GPR137: variants seen among roughly 807,000 people sequenced by gnomAD.
GPR137 encodes the protein G protein-coupled receptor 137.
Under a neutral mutation model 38.9 loss-of-function variants are expected in GPR137, and 20 were observed. The observed-to-expected ratio is 0.51, with a 90% CI of 0.36 to 0.75. The LOEUF is 0.75. GPR137 is among the 30% of genes least tolerant of loss of function. The probability of loss-of-function intolerance (pLI) is 0.00; values close to 1 mark genes in which losing one functional copy is unlikely to be tolerated. For missense variants in GPR137, 456 were observed against 526.4 expected (o/e 0.87, Z 1.31); for synonymous variants, 226 against 235.8 (o/e 0.96, Z 0.38).
At chr11:64,275,609 A>G (rs1276467752), upstream of GPR137, 2 of 152,208 alleles carry the variant, frequency 1.3e-5, no homozygotes, top group African/African-American at 4.8e-5. Flanking sequence ...AAACAGAGGC[A>G]GAGGTTAAGA....
upstream of GPR137, among the ~76,000 whole-genome samples, chr11:64,282,015 G>A (rs867566254): frequency 1.3e-5 from 2 of 152,064 alleles, no homozygotes; most frequent in African/African-American, 4.8e-5. Context: ...CACCGCGCCC[G>A]GCCTCTCTTA....
upstream of GPR137, among the ~76,000 whole-genome samples, chr11:64,280,478 A>G (rs1221293168): frequency 1.5e-5 from 2 of 135,306 alleles, no homozygotes; most frequent in African/African-American, 5.6e-5. Flanking sequence ...CAGCCTCCCG[A>G]GTAGCTGGGA....
chr11:64,282,967 TCACTTAA>T (rs1176869775), upstream of GPR137, among the ~76,000 whole-genome samples: 1,237 of 151,414 alleles, frequency 8.2e-3, 19 homozygotes, highest in African/African-American at 0.029. Flanking sequence ...CGTGGGAGGA[TCACTTAA>T]GCCCAGAAGT....
chr11:64,280,489 C>CTA (rs1477245928), upstream of GPR137, among the ~76,000 whole-genome samples: 4 of 139,990 alleles, frequency 2.9e-5, no homozygotes, highest in African/African-American at 1.1e-4. Context: ...GTAGCTGGGA[C>CTA]TATAGGCACC....
rs1444149965 is a variant in GPR137, at chr11:64,288,173, C to G, written c.742C>G (p.Leu248Val). The G allele has an allele frequency of 3.7e-6, 6 of 1,613,168 alleles. No homozygotes were observed. The highest frequency in any genetic ancestry group is 5.1e-6 in the Non-Finnish European group (6 of 1,179,972). Residue 248 changes from leucine to valine, a missense_variant, in exon 4 of 7, where the codon CTG (leucine) becomes GTG (valine). Leu to Val is a conservative substitution (Grantham distance 32). Transcript: ENST00000438980. The surrounding 1 kb of genome is among the most constrained non-coding windows in gnomAD (Gnocchi z 5.5). ...TALALAPQSR[L>V]DTFDYDWYNV... ...ACTGGCCTTGGCCCCCCAGAGCCGGCTGGACACCTTCGATTACGACTGGTA... is the reference window on the plus strand; with the variant it reads ...ACTGGCCTTGGCCCCCCAGAGCCGGGTGGACACCTTCGATTACGACTGGTA...
exon 1 of GPR137, chr11:64,270,565 G>A: frequency 1.4e-6 from 1 of 717,498 alleles, no homozygotes; most frequent in South Asian, 1.5e-5. Flanking sequence ...GACGGGAAGA[G>A]AGGATGCCTA....
chr11:64,282,009 G>A (rs750424525), upstream of GPR137, among the ~76,000 whole-genome samples: 22 of 152,250 alleles, frequency 1.4e-4, no homozygotes, highest in South Asian at 4.1e-4. Context: ...GTGAGCCACC[G>A]CGCCCGGCCT....
At chr11:64,276,890 C>G (rs1345524959) in intron 2 of GPR137, 1 of 754,380 alleles carries the variant, frequency 1.3e-6, no homozygotes, top group Non-Finnish European at 2.5e-6. Context: ...GTGCCCCAGG[C>G]CCCAGCATGG....
chr11:64,276,685 G>C (rs1233660069), intron 2 of GPR137: 1 of 536,268 alleles, frequency 1.9e-6, no homozygotes, highest in Non-Finnish European at 3.3e-6. Context: ...GGGAGTGTCT[G>C]TGAATTCCCT....
chr11:64,271,627 C>T, upstream of GPR137: 2 of 1,499,402 alleles, frequency 1.3e-6, no homozygotes, highest in South Asian at 2.5e-5. Context: ...AAGGAGTCCA[C>T]AAACTCGTCA....
At chr11:64,284,621 C>G (rs1012971065), upstream of GPR137, 1 of 1,513,342 alleles carries the variant, frequency 6.6e-7, no homozygotes, top group Non-Finnish European at 8.8e-7. Flanking sequence ...TGACGGCGCA[C>G]AGGTCTCACC....
upstream of GPR137, chr11:64,271,533 G>T: frequency 6.0e-6 from 8 of 1,326,750 alleles, no homozygotes; most frequent in Non-Finnish European, 6.8e-6. Flanking sequence ...ATCCGGGCGT[G>T]CCTTGGGACA....
chr11:64,282,881 G>GAAAAAAA (rs541902877), upstream of GPR137, among the ~76,000 whole-genome samples: 10 of 88,022 alleles, frequency 1.1e-4, no homozygotes, highest in Non-Finnish European at 1.4e-4. Context: ...TCCGTCTCAG[G>GAAAAAAA]AAAAAAAAAA....
upstream of GPR137, chr11:64,284,919 T>G: frequency 7.1e-7 from 1 of 1,416,350 alleles, no homozygotes; most frequent in East Asian, 2.6e-5. Flanking sequence ...AGAGGGATTC[T>G]CTGGGGTCCC....
chr11:64,283,919 G>C (rs950957639), upstream of GPR137, among the ~76,000 whole-genome samples: 18 of 152,216 alleles, frequency 1.2e-4, no homozygotes, highest in African/African-American at 4.3e-4. Context: ...ACAGGTGTGA[G>C]CCACCACGCC....
At chr11:64,280,747 G>A (rs868058439), upstream of GPR137, among the ~76,000 whole-genome samples, 269 of 146,420 alleles carry the variant, frequency 1.8e-3, 1 homozygote, top group African/African-American at 6.5e-3. Context: ...AGCTCACTGC[G>A]ACCTCCACCT....
intron 2 of GPR137, 102 bp downstream of exon 2, chr11:64,287,116 C>T: frequency 2.0e-6 from 3 of 1,515,978 alleles, no homozygotes; most frequent in Non-Finnish European, 2.7e-6. Flanking sequence ...CAAAGGCAAC[C>T]CAGGGAATGT....
chr11:64,288,166 G>A lies in GPR137; in HGVS notation c.735G>A (p.Gln245=), dbSNP rs1402185242. ...TGACAGCACTGGCCTTGGCCCCCCA[G>A]AGCCGGCTGGACACCTTCGATTACG... is the stretch of plus-strand genomic sequence containing the variant. ...YNLTALALAP[Q]SRLDTFDYDW... is the part of the protein sequence containing the mutation. Residue 245 remains glutamine, a synonymous_variant, in exon 4 of 7, where the codon CAG becomes CAA. Coordinates refer to ENST00000438980, the MANE Select transcript of GPR137 (RefSeq NM_001170880.2). This position sits in a 1 kb window ranked among gnomAD's most constrained non-coding sequence, Gnocchi z 5.5. 4 of 1,613,184 alleles carry A rather than the reference G, an allele frequency of 2.5e-6. No individual in the cohort carries two copies. The African/African-American group carries it at 5.3e-5, about 21-fold the overall frequency.
At chr11:64,270,900 GACACACACACACACACAC>G (rs71045754), upstream of GPR137, among the ~76,000 whole-genome samples, 2 of 87,658 alleles carry the variant, frequency 2.3e-5, no homozygotes, top group African/African-American at 9.2e-5. Context: ...TGCCCTGTGA[GACACACACACACACACAC>G]ACACACACAC....
Sources: gnomAD v4.1 joint callset for allele counts (sites outside exome capture counted in the v4.1 genomes callset) on GRCh38, gnomAD v4.1.1 for gene constraint, Gnocchi (gnomAD v3.1) non-coding constraint, MANE v1.5 for transcripts, NCBI Gene and HGNC (gene_info 2026-07-23, HGNC 2026-07-21) for gene names.